LINC00305: variants seen among roughly 807,000 people sequenced by gnomAD.
LINC00305 encodes the protein long independently transcribed non-coding RNA 305.
intron 1 of LINC00305, among the ~76,000 whole-genome samples, chr18:64,112,005 C>A (rs189117895): frequency 1.3e-5 from 2 of 152,130 alleles, no homozygotes; most frequent in African/African-American, 4.8e-5. Context: ...TCTATATTTC[C>A]CCTTAATATG....
intron 1 of LINC00305, among the ~76,000 whole-genome samples, chr18:64,099,618 A>G (rs1465004845): frequency 2.0e-5 from 3 of 152,254 alleles, no homozygotes; most frequent in African/African-American, 4.8e-5. Flanking sequence ...TTTTTCCTGT[A>G]GTAGGATTTC....
At chr18:64,133,901 C>T (rs2051421162) in intron 1 of LINC00305, among the ~76,000 whole-genome samples, 1 of 152,028 alleles carries the variant, frequency 6.6e-6, no homozygotes, top group Non-Finnish European at 1.5e-5. Flanking sequence ...TCCTAAATGT[C>T]AAAGTAGAAC....
chr18:64,083,419 T>A (rs1238935246), intron 3 of LINC00305, among the ~76,000 whole-genome samples: 1 of 152,220 alleles, frequency 6.6e-6, no homozygotes, highest in African/African-American at 2.4e-5. Context: ...CTTCCTAAGT[T>A]CTCATACCGT....
chr18:64,095,047 A>G (rs1293480305), intron 3 of LINC00305, among the ~76,000 whole-genome samples: 1 of 152,134 alleles, frequency 6.6e-6, no homozygotes, highest in South Asian at 2.1e-4. Context: ...TTGACTGATC[A>G]TGGTTATGAT....
intron 1 of LINC00305, among the ~76,000 whole-genome samples, chr18:64,130,097 A>G (rs1485308613): frequency 6.6e-6 from 1 of 151,942 alleles, no homozygotes; most frequent in East Asian, 1.9e-4. Context: ...CATCATTTAC[A>G]TTAGATATAT....
chr18:64,143,194 A>C (rs2051472623), intron 1 of LINC00305, among the ~76,000 whole-genome samples: 1 of 152,152 alleles, frequency 6.6e-6, no homozygotes. Flanking sequence ...TTAGTCCTTT[A>C]TTTAAAAATG....
At chr18:64,106,231 G>A (rs12607358) in intron 1 of LINC00305, among the ~76,000 whole-genome samples, 2 of 152,120 alleles carry the variant, frequency 1.3e-5, no homozygotes, top group African/African-American at 2.4e-5. Context: ...CCTCTGCTTA[G>A]CCTCTGAATC....
At chr18:64,127,638 T>G (rs1023254428) in intron 1 of LINC00305, among the ~76,000 whole-genome samples, 3 of 152,070 alleles carry the variant, frequency 2.0e-5, no homozygotes, top group Non-Finnish European at 4.4e-5. Context: ...ACAGTATGCC[T>G]GGAATCAGCC....
chr18:64,090,671 C>T, intron 3 of LINC00305, among the ~76,000 whole-genome samples: 1 of 152,162 alleles, frequency 6.6e-6, no homozygotes, highest in Admixed American at 6.5e-5. Context: ...TATGAAGCTT[C>T]TTCCTTTCCT....
At position 64,115,371 on chromosome 18, in the gene LINC00305, A is replaced by T. The variant is rs188611555; in HGVS notation, n.315-16731T>A. Among the ~76,000 whole-genome samples, 11 of 152,322 alleles carry T rather than the reference A, an allele frequency of 7.2e-5. No individual in the cohort carries two copies. The East Asian group carries it at 1.9e-3, about 27-fold the overall frequency. The stretch of plus-strand genomic sequence containing the variant: ...GAACACAGGTGAGGTGCATGAGGCA[A>T]GGAAGCCTCACTGAGGAACAAAATT... On this transcript the variant is annotated intron_variant and non_coding_transcript_variant, in intron 1 of 3. Transcript: ENST00000666468.
intron 1 of LINC00305, among the ~76,000 whole-genome samples, chr18:64,148,618 G>A (rs1285124275): frequency 6.6e-6 from 1 of 152,114 alleles, no homozygotes; most frequent in African/African-American, 2.4e-5. Context: ...TAAAAAGTTG[G>A]AAGGAAAAAT....
intron 1 of LINC00305, among the ~76,000 whole-genome samples, chr18:64,119,299 G>A (rs145128051): frequency 2.0e-4 from 31 of 152,200 alleles, no homozygotes; most frequent in Non-Finnish European, 4.0e-4. Flanking sequence ...ACTGAGTAAA[G>A]GCTGAAGCTG....
chr18:64,094,258 A>G (rs1396783237), intron 3 of LINC00305, among the ~76,000 whole-genome samples: 3 of 152,196 alleles, frequency 2.0e-5, no homozygotes, highest in African/African-American at 7.2e-5. Context: ...CAATTGGAGG[A>G]CAATTGAAGG....
chr18:64,085,297 C>T (rs1219805444), intron 3 of LINC00305, among the ~76,000 whole-genome samples: 1 of 152,158 alleles, frequency 6.6e-6, no homozygotes, highest in Non-Finnish European at 1.5e-5. Flanking sequence ...CATTCTTCTC[C>T]ATTCTTCAAG....
intron 3 of LINC00305, among the ~76,000 whole-genome samples, chr18:64,083,301 T>C (rs2051191586): frequency 1.3e-5 from 2 of 152,122 alleles, no homozygotes; most frequent in South Asian, 4.1e-4. Context: ...GATTTCCTGG[T>C]CCACTTAAGG....
At chr18:64,118,167 T>C (rs1166392527) in intron 1 of LINC00305, among the ~76,000 whole-genome samples, 2 of 152,168 alleles carry the variant, frequency 1.3e-5, no homozygotes. Flanking sequence ...AAAGCAAGCT[T>C]AAAGGAAGCT....
chr18:64,125,566 T>G (rs752146079), intron 1 of LINC00305, among the ~76,000 whole-genome samples: 13 of 152,142 alleles, frequency 8.5e-5, no homozygotes, highest in Admixed American at 5.2e-4. Flanking sequence ...GCAATTTTTT[T>G]TTACTTAAAA....
At chr18:64,135,020 G>T (rs569030170) in intron 1 of LINC00305, among the ~76,000 whole-genome samples, 1 of 152,254 alleles carries the variant, frequency 6.6e-6, no homozygotes, top group Admixed American at 6.5e-5. Flanking sequence ...TCATGGTTCT[G>T]GAAACTGGAA....
At chr18:64,142,361 T>C (rs185216588) in intron 1 of LINC00305, among the ~76,000 whole-genome samples, 246 of 152,322 alleles carry the variant, frequency 1.6e-3, no homozygotes, top group African/African-American at 5.7e-3. Context: ...ATCTCCTTCC[T>C]TCCTGGCCTG....
Sources: allele counts gnomAD v4.1 joint callset (sites outside exome capture counted in the v4.1 genomes callset), GRCh38; gene constraint gnomAD v4.1.1; transcripts MANE v1.5; gene names NCBI Gene and HGNC (gene_info 2026-07-23, HGNC 2026-07-21).